Variants in ERO1B observed in about 807,000 individuals in gnomAD.
ERO1B encodes the protein ERO1-like protein beta.
Under a neutral mutation model 75.3 loss-of-function variants are expected in ERO1B, and 49 were observed. The observed-to-expected ratio is 0.65, with a 90% confidence interval of 0.52 to 0.83. The LOEUF (loss-of-function observed/expected upper bound fraction) is 0.83. ERO1B is among the 40% of genes least tolerant of loss of function. ERO1B has a pLI of 0.00. For missense variants in ERO1B, 512 were observed against 560.1 expected (o/e 0.91, Z 0.87); for synonymous variants, 191 against 192.9 (o/e 0.99, Z 0.08).
At chr1:236,238,465 G>A (rs1343644020) in intron 6 of ERO1B, among the ~76,000 whole-genome samples, 8 of 151,222 alleles carry the variant, frequency 5.3e-5, no homozygotes, top group Non-Finnish European at 5.9e-5. Flanking sequence ...TTGAGCCCAG[G>A]AGTCGGAGGC....
At chr1:236,272,985 ATACAG>A (rs1665630671) in intron 1 of ERO1B, among the ~76,000 whole-genome samples, 1 of 152,156 alleles carries the variant, frequency 6.6e-6, no homozygotes, top group Non-Finnish European at 1.5e-5. Context: ...CTCTTGATGC[ATACAG>A]TAGACAGAAT....
At chr1:236,281,153 G>C (rs1005777358) in intron 1 of ERO1B, among the ~76,000 whole-genome samples, 1 of 152,178 alleles carries the variant, frequency 6.6e-6, no homozygotes, top group Admixed American at 6.5e-5. Flanking sequence ...GAAGGTGCTC[G>C]AGGAAGAGTA....
At chr1:236,254,401 T>C (rs564322380) in intron 2 of ERO1B, among the ~76,000 whole-genome samples, 1 of 152,306 alleles carries the variant, frequency 6.6e-6, no homozygotes, top group East Asian at 1.9e-4. Flanking sequence ...ACTACAGTTA[T>C]CTATTTAAAA....
At chr1:236,278,564 G>A (rs911852772) in intron 1 of ERO1B, among the ~76,000 whole-genome samples, 2 of 152,054 alleles carry the variant, frequency 1.3e-5, no homozygotes, top group African/African-American at 4.8e-5. Context: ...GACTGGTATA[G>A]CACTATTTAA....
At chr1:236,218,658 T>C in intron 15 of ERO1B, 82 bp from the exon 16 acceptor site, 2 of 1,147,326 alleles carry the variant, frequency 1.7e-6, no homozygotes, top group Non-Finnish European at 2.2e-6. Flanking sequence ...ACATAAGCTA[T>C]AATTTGAAAG....
chr1:236,227,334 C>T (rs1369873403), intron 10 of ERO1B, among the ~76,000 whole-genome samples: 1 of 152,090 alleles, frequency 6.6e-6, no homozygotes, highest in Non-Finnish European at 1.5e-5. Context: ...TATAACAGAA[C>T]GTTATTTGAT....
chr1:236,226,197 T>C (rs1191100503), intron 12 of ERO1B, 72 bp downstream of exon 12: 3 of 1,509,848 alleles, frequency 2.0e-6, no homozygotes, highest in Non-Finnish European at 2.7e-6. Context: ...GAGTCAGTTT[T>C]TGTGTACTTT....
At chr1:236,280,521 G>A (rs565797938) in intron 1 of ERO1B, among the ~76,000 whole-genome samples, 24 of 152,316 alleles carry the variant, frequency 1.6e-4, no homozygotes, top group African/African-American at 5.8e-4. Flanking sequence ...ATCAATACAT[G>A]TGGAGGTAGG....
In ERO1B at chr1:236,220,581, TAGA is replaced by T. The variant is rs1326194073; in HGVS notation, c.1343+248_1343+250del. 6.0e-5 allele frequency: 16 copies of T among 267,236 alleles called. 2 individuals are homozygous for T. Among genetic ancestry groups the T allele is most frequent in the African/African-American group, 2.6e-4 (12 of 45,690 alleles). 16.6% of individuals were successfully genotyped at this position (267,236 alleles called of 1,614,324 possible). On this transcript the variant is annotated intron_variant, in intron 15 of 15. Transcript: ENST00000354619. Reference sequence around the variant, plus strand: ...AGTTATAGCCAAGCAAAAAGAATATTAGAAGAATATCTCCCTTACAAAATTAAG... The same window carrying T: ...AGTTATAGCCAAGCAAAAAGAATATTAGAATATCTCCCTTACAAAATTAAG...
intron 8 of ERO1B, among the ~76,000 whole-genome samples, chr1:236,234,430 T>C (rs1664489188): frequency 6.6e-6 from 1 of 152,248 alleles, no homozygotes; most frequent in Non-Finnish European, 1.5e-5. Context: ...AACTCTGTAC[T>C]ATGGAATAGA....
intron 6 of ERO1B, among the ~76,000 whole-genome samples, chr1:236,236,852 C>T (rs1347903482): frequency 6.6e-6 from 1 of 152,164 alleles, no homozygotes; most frequent in African/African-American, 2.4e-5. Flanking sequence ...TTCCCTGCTA[C>T]TCTCTGCTTG....
At chr1:236,246,234 C>G (rs913940538) in intron 5 of ERO1B, among the ~76,000 whole-genome samples, 1 of 152,090 alleles carries the variant, frequency 6.6e-6, no homozygotes, top group Non-Finnish European at 1.5e-5. Flanking sequence ...GTGGCACAAT[C>G]ATAGCTCATT....
At chr1:236,251,946 C>T in intron 4 of ERO1B, 104 bp downstream of exon 4, 1 of 819,614 alleles carries the variant, frequency 1.2e-6, no homozygotes, top group Non-Finnish European at 2.0e-6. Flanking sequence ...TGTCTCCATT[C>T]CCAACTAACC....
chr1:236,280,704 T>A (rs985841122), intron 1 of ERO1B, among the ~76,000 whole-genome samples: 1 of 152,236 alleles, frequency 6.6e-6, no homozygotes, highest in African/African-American at 2.4e-5. Flanking sequence ...TTTTCACGGT[T>A]ACACTCAGAG....
Position 236,216,597 on chromosome 1 carries a change from A to G in ERO1B, c.*1919T>C, listed in dbSNP as rs569272062. The G allele has an allele frequency of 1.3e-5, 2 of 152,220 alleles. No individual in the cohort carries two copies. The highest frequency in any genetic ancestry group is 4.8e-5 in the African/African-American group (2 of 41,558). 9.4% of individuals were successfully genotyped at this position (152,220 alleles called of 1,614,324 possible). On this transcript the variant is annotated 3_prime_UTR_variant, in exon 16 of 16. Transcript: ENST00000354619. ...CATACTCTAATATACTAGTTTTCCT[A>G]AGCTTGAAACAAATCACAGTACAGA...
chr1:236,252,164 C>A, intron 3 of ERO1B, 73 bp from the exon 4 acceptor site: 1 of 895,446 alleles, frequency 1.1e-6, no homozygotes, highest in South Asian at 1.4e-5. Context: ...CACGAATTGT[C>A]AATGCATTGC....
intron 7 of ERO1B, 124 bp from the exon 8 acceptor site, chr1:236,235,959 TA>T: frequency 1.2e-6 from 1 of 841,946 alleles, no homozygotes. Context: ...GAGTTTCACT[TA>T]GTCACCCAGG....
intron 2 of ERO1B, among the ~76,000 whole-genome samples, chr1:236,254,251 T>C (rs187035570): frequency 2.9e-4 from 44 of 152,318 alleles, no homozygotes; most frequent in African/African-American, 9.9e-4. Flanking sequence ...AGATTGCCCA[T>C]GCCAAAATCT....
chr1:236,255,522 G>C (rs1665140486), intron 2 of ERO1B, among the ~76,000 whole-genome samples: 1 of 152,164 alleles, frequency 6.6e-6, no homozygotes, highest in African/African-American at 2.4e-5. Context: ...GCTTGGAACA[G>C]TGGTATAATA....
Sources: allele counts gnomAD v4.1 joint callset (sites outside exome capture counted in the v4.1 genomes callset), GRCh38; gene constraint gnomAD v4.1.1; transcripts MANE v1.5; gene names NCBI Gene and HGNC (gene_info 2026-07-23, HGNC 2026-07-21).